The following SBNO1 variants were observed in gnomAD, a reference collection of about 807,000 sequenced individuals.
SBNO1 encodes the protein strawberry notch homolog 1, also known as protein strawberry notch homolog 1.
In SBNO1, 23 loss-of-function variants were observed where a neutral mutation model predicts 173.6. The observed-to-expected ratio is 0.13, with a 90% CI of 0.10 to 0.19. The LOEUF is 0.19. Among genes scored for constraint, SBNO1 ranks in the 10% least tolerant of loss-of-function variants. The probability of loss-of-function intolerance (pLI) is 1.00; values close to 1 mark genes in which losing one functional copy is unlikely to be tolerated. For synonymous variants in SBNO1, 632 were observed against 571.5 expected, an observed-to-expected ratio of 1.11 and a Z score of -1.51; for missense variants, 1,238 against 1,671.2, an observed-to-expected ratio of 0.74 and a Z score of 4.52.
At chr12:123,333,480 T>C (rs1871472680) in intron 7 of SBNO1, among the ~76,000 whole-genome samples, 1 of 152,102 alleles carries the variant, frequency 6.6e-6, no homozygotes, top group Non-Finnish European at 1.5e-5. Context: ...AATGGGTATA[T>C]ATACACACAC....
chr12:123,342,030 G>A (rs1035482086), intron 4 of SBNO1, among the ~76,000 whole-genome samples: 1 of 151,524 alleles, frequency 6.6e-6, no homozygotes. Context: ...CAAGGCCGGC[G>A]CAGTGGCTCA....
chr12:123,347,227 T>TTTG lies in SBNO1; in HGVS notation c.237+799_237+801dup, dbSNP rs548398245. 4.0e-4 allele frequency among the ~76,000 whole-genome samples: 61 copies of TTTG among 152,140 alleles called. 1 individual carries two copies. In the South Asian group the frequency reaches 6.8e-3, roughly 17 times the overall value. The stretch of plus-strand genomic sequence containing the variant: ...TTTTATTTTTTATTAATTATGCTTT[T>TTTG]TTGTTGTTGTTGTTGTTGAGACAGA... On this transcript the variant is annotated intron_variant, in intron 3 of 31. Transcript: ENST00000602398.
chr12:123,353,545 A>C (rs1367882860), intron 1 of SBNO1, among the ~76,000 whole-genome samples: 1 of 152,232 alleles, frequency 6.6e-6, no homozygotes, highest in Non-Finnish European at 1.5e-5. Context: ...GACAGAGTTA[A>C]CAGGAGAAAT....
intron 21 of SBNO1, among the ~76,000 whole-genome samples, chr12:123,315,964 T>C (rs1869205610): frequency 6.6e-6 from 1 of 152,160 alleles, no homozygotes; most frequent in Non-Finnish European, 1.5e-5. Context: ...CTATGGGCCT[T>C]TGGTGAAGCT....
intron 6 of SBNO1, among the ~76,000 whole-genome samples, chr12:123,334,678 A>G (rs533415182): frequency 1.3e-5 from 2 of 152,362 alleles, no homozygotes; most frequent in East Asian, 3.9e-4. Flanking sequence ...ACTGCACTCC[A>G]GCCTGAGTGA....
chr12:123,344,639 A>G (rs1346106025), intron 4 of SBNO1, among the ~76,000 whole-genome samples: 1 of 152,190 alleles, frequency 6.6e-6, no homozygotes, highest in African/African-American at 2.4e-5. Flanking sequence ...GCCTGAGCTC[A>G]GGAGTTCGAG....
At chr12:123,364,554 G>T (rs1449634706) in intron 1 of SBNO1, 147 bp downstream of exon 1, 1 of 983,748 alleles carries the variant, frequency 1.0e-6, no homozygotes, top group Non-Finnish European at 1.2e-6. Flanking sequence ...GCGGCCGCGA[G>T]GAGCGGCAAG....
intron 6 of SBNO1, 152 bp downstream of exon 6, chr12:123,336,243 A>T: frequency 1.7e-6 from 1 of 579,050 alleles, no homozygotes; most frequent in Non-Finnish European, 3.0e-6. Context: ...GAACAAAATT[A>T]AAATAAAATC....
intron 1 of SBNO1, among the ~76,000 whole-genome samples, chr12:123,357,264 C>A (rs1874566077): frequency 1.3e-5 from 2 of 151,762 alleles, no homozygotes; most frequent in South Asian, 4.2e-4. Flanking sequence ...CCAGCCTGGT[C>A]AACATAGTGA....
rs769753807 is a variant in SBNO1 at position 123,364,756 on chromosome 12, G to C, written c.-56C>G. ...TCCTCCCGGGAGGTGTGAGTTTGAA[G>C]GACCAGAGGCGACTGGAGCGGAGGC... is the stretch of plus-strand genomic sequence containing the variant. On this transcript the variant is annotated 5_prime_UTR_variant, in exon 1 of 32. Coordinates refer to ENST00000602398, the MANE Select transcript of SBNO1 (RefSeq NM_001167856.3). 2.9e-5 allele frequency: 29 copies of C among 987,860 alleles called. No homozygotes were observed. Among genetic ancestry groups the C allele is most frequent in the Non-Finnish European group, 3.5e-5 (29 of 831,432 alleles). The allele number at this position is 987,860 out of a possible 1,614,324, so 61.2% of individuals were successfully genotyped here.
intron 16 of SBNO1, 100 bp from the exon 17 acceptor site, chr12:123,321,832 A>G: frequency 1.0e-6 from 1 of 984,360 alleles, no homozygotes; most frequent in East Asian, 2.4e-5. Flanking sequence ...TGAAAAGTGC[A>G]GAGGAAAAGT....
intron 30 of SBNO1, among the ~76,000 whole-genome samples, chr12:123,302,121 G>A (rs1245543336): frequency 6.6e-6 from 1 of 151,278 alleles, no homozygotes; most frequent in African/African-American, 2.4e-5. Flanking sequence ...TTTTAGTAGA[G>A]AGGGTTTCTC....
intron 25 of SBNO1, 132 bp downstream of exon 25, chr12:123,310,922 AC>A: frequency 1.5e-6 from 1 of 648,640 alleles, no homozygotes; most frequent in South Asian, 1.8e-5. Context: ...TTTTACACAT[AC>A]CCCACAGCAG....
intron 30 of SBNO1, among the ~76,000 whole-genome samples, chr12:123,299,687 A>AAAAC (rs1331319148): frequency 1.3e-5 from 2 of 150,640 alleles, no homozygotes; most frequent in East Asian, 2.0e-4. Flanking sequence ...TCTTCAAAAA[A>AAAAC]AAAAAAAAAA....
intron 8 of SBNO1, 57 bp from the exon 9 acceptor site, chr12:123,330,566 G>A (rs545118985): frequency 2.8e-4 from 243 of 880,938 alleles, no homozygotes; most frequent in South Asian, 9.8e-4. Flanking sequence ...CTAGAATTCA[G>A]GAATAAAATT....
chr12:123,307,304 G>C (rs567001710), intron 28 of SBNO1, among the ~76,000 whole-genome samples: 1 of 152,172 alleles, frequency 6.6e-6, no homozygotes, highest in African/African-American at 2.4e-5. Context: ...AATAAATCTA[G>C]CTTGGCACTC....
At chr12:123,298,469 GCTGGTCTTAAACTC>G (rs1266495660) in intron 30 of SBNO1, among the ~76,000 whole-genome samples, 2 of 152,148 alleles carry the variant, frequency 1.3e-5, no homozygotes, top group Non-Finnish European at 2.9e-5. Flanking sequence ...TGTTGGGCAG[GCTGGTCTTAAACTC>G]CTGACCTCAG....
chr12:123,352,828 A>C (rs9300256), intron 1 of SBNO1, among the ~76,000 whole-genome samples: 144,998 of 152,214 alleles, frequency 0.95, 69,185 homozygotes, highest in Non-Finnish European at 0.96. Context: ...GACGGAGTCT[A>C]GCTCTGTCAC....
chr12:123,361,173 G>C (rs755601376), intron 1 of SBNO1, among the ~76,000 whole-genome samples: 28 of 152,164 alleles, frequency 1.8e-4, no homozygotes, highest in Non-Finnish European at 3.5e-4. Context: ...GAACCTGGGA[G>C]GTGGAGGTTG....
Sources: gnomAD v4.1 joint callset for allele counts (sites outside exome capture counted in the v4.1 genomes callset) on GRCh38, gnomAD v4.1.1 for gene constraint, MANE v1.5 for transcripts, NCBI Gene and HGNC (gene_info 2026-07-23, HGNC 2026-07-21) for gene names.